Variants in NAALADL2 observed in about 807,000 individuals in gnomAD.
NAALADL2 encodes the protein inactive N-acetylated-alpha-linked acidic dipeptidase-like protein 2.
In NAALADL2, 76 loss-of-function variants were observed where a neutral mutation model predicts 87.2. The observed-to-expected ratio is 0.87, with a 90% CI of 0.72 to 1.05. The LOEUF (loss-of-function observed/expected upper bound fraction) is 1.05, where lower values mean the gene tolerates loss of function less well. Ranked by LOEUF, NAALADL2 falls within the 50% of genes least tolerant of loss-of-function variation. The probability of loss-of-function intolerance (pLI) is 0.00; values close to 1 mark genes in which losing one functional copy is unlikely to be tolerated. For synonymous variants in NAALADL2, 354 were observed against 331.0 expected (o/e 1.07, Z -0.75); for missense variants, 1,089 against 945.8 (o/e 1.15, Z -1.99).
chr3:174,764,946 T>C (rs1315313302), intron 3 of NAALADL2, among the ~76,000 whole-genome samples: 28 of 152,164 alleles, frequency 1.8e-4, no homozygotes, highest in Admixed American at 1.8e-3. Context: ...GAGACAAACA[T>C]TGTTACAGAG....
At chr3:175,302,251 A>G (rs1226370848) in intron 4 of NAALADL2, among the ~76,000 whole-genome samples, 9 of 152,196 alleles carry the variant, frequency 5.9e-5, no homozygotes, top group African/African-American at 1.7e-4. Context: ...GAGGAAGACA[A>G]TTAATGAATT....
At chr3:175,123,675 T>A (rs9827073) in intron 2 of NAALADL2, among the ~76,000 whole-genome samples, 4 of 151,602 alleles carry the variant, frequency 2.6e-5, no homozygotes, top group South Asian at 2.1e-4. Flanking sequence ...ACATCCCCTC[T>A]TCTGTATCTC....
chr3:174,757,464 T>G (rs1712256744), intron 3 of NAALADL2, among the ~76,000 whole-genome samples: 1 of 151,940 alleles, frequency 6.6e-6, no homozygotes, highest in African/African-American at 2.4e-5. Context: ...TTTTCCTCAG[T>G]GTTGGCCTGA....
At chr3:175,732,295 TC>T (rs1204767777) in intron 11 of NAALADL2, among the ~76,000 whole-genome samples, 1 of 152,130 alleles carries the variant, frequency 6.6e-6, no homozygotes, top group Non-Finnish European at 1.5e-5. Flanking sequence ...ACGCAATAAC[TC>T]AATGGACTAT....
At chr3:174,874,274 C>G (rs1160450258) in intron 1 of NAALADL2, among the ~76,000 whole-genome samples, 1 of 152,070 alleles carries the variant, frequency 6.6e-6, no homozygotes. Context: ...GTGGAAAGCT[C>G]CAAATTCTCA....
At chr3:174,591,111 C>T (rs73172565) in intron 2 of NAALADL2, among the ~76,000 whole-genome samples, 12 of 152,298 alleles carry the variant, frequency 7.9e-5, no homozygotes, top group Non-Finnish European at 1.3e-4. Context: ...GGGAAGGAGA[C>T]TGATAGACTA....
At chr3:174,787,575 T>TCATATATATATATATATATATATACATA (rs1476464065) in intron 3 of NAALADL2, among the ~76,000 whole-genome samples, 3 of 13,062 alleles carry the variant, frequency 2.3e-4, no homozygotes, top group Non-Finnish European at 4.5e-4. Context: ...CAATATATCA[T>TCATATATATATATATATATATATACATA]CATATATATA....
chr3:175,031,275 C>T (rs1456664959), intron 1 of NAALADL2, among the ~76,000 whole-genome samples: 1 of 151,956 alleles, frequency 6.6e-6, no homozygotes, highest in East Asian at 1.9e-4. Flanking sequence ...ACCCTTGCCT[C>T]CCTCCTTCCA....
intron 9 of NAALADL2, among the ~76,000 whole-genome samples, chr3:175,539,713 G>A (rs997104584): frequency 1.3e-5 from 2 of 152,202 alleles, no homozygotes; most frequent in Admixed American, 6.5e-5. Context: ...GTAAATTGGG[G>A]CAGATTGTTC....
At position 175,703,404 on chromosome 3, in the gene NAALADL2, T is replaced by C. The variant is rs1301972352; in HGVS notation, c.1897-33902T>C. Among the ~76,000 whole-genome samples the C allele has an allele frequency of 2.0e-5, 3 of 152,174 alleles. No individual in the cohort carries two copies. In the East Asian group the frequency reaches 5.8e-4, roughly 29 times the overall value. ...GAGACTGGACAGTCCCCAATACATG[T>C]ACTATAATTAATGTTTTCGTTAAGT... is the stretch of plus-strand genomic sequence containing the variant. On this transcript the variant is annotated intron_variant, in intron 11 of 13. Coordinates refer to ENST00000454872, the MANE Select transcript of NAALADL2 (RefSeq NM_207015.3).
intron 9 of NAALADL2, among the ~76,000 whole-genome samples, chr3:175,519,601 T>C (rs528174453): frequency 3.9e-5 from 6 of 152,208 alleles, no homozygotes; most frequent in Non-Finnish European, 8.8e-5. Context: ...TATGGAGGTG[T>C]CCATTAAGAG....
intron 12 of NAALADL2, among the ~76,000 whole-genome samples, chr3:175,741,999 A>G (rs562422438): frequency 3.3e-4 from 51 of 152,352 alleles, no homozygotes; most frequent in African/African-American, 1.2e-3. Context: ...ATAAGTAGAT[A>G]AGAGACAAAA....
At chr3:175,319,747 G>C (rs1031015657) in intron 4 of NAALADL2, among the ~76,000 whole-genome samples, 1 of 152,180 alleles carries the variant, frequency 6.6e-6, no homozygotes, top group Non-Finnish European at 1.5e-5. Flanking sequence ...TTGAACCTGG[G>C]AGGTGGAGGT....
rs534637981 is a variant in NAALADL2 at position 174,621,546 on chromosome 3, A to T, written c.-115+70909A>T. Among the ~76,000 whole-genome samples the T allele has an allele frequency of 3.3e-5, 5 of 152,254 alleles. No homozygotes were observed. The South Asian group carries it at 1.0e-3, about 32-fold the overall frequency. ...ATAAATGATGACCCTTGAGGTCTAT[A>T]TATATAGACCTCATGTAATGAGGAA... On this transcript the variant is annotated intron_variant, in intron 2 of 3. Coordinates refer to the NAALADL2 transcript ENST00000434257.
At chr3:174,966,902 TC>T (rs1438566516) in intron 1 of NAALADL2, among the ~76,000 whole-genome samples, 24 of 151,750 alleles carry the variant, frequency 1.6e-4, no homozygotes, top group Non-Finnish European at 3.2e-4. Context: ...AGTAAGAGAT[TC>T]CCCCAGAAAG....
chr3:175,190,854 T>C (rs1470569819), intron 2 of NAALADL2, among the ~76,000 whole-genome samples: 1 of 151,518 alleles, frequency 6.6e-6, no homozygotes, highest in Admixed American at 6.6e-5. Flanking sequence ...GGCGGGCGCC[T>C]GTAGTCCCAG....
At chr3:174,950,413 TG>T (rs1740163858) in intron 1 of NAALADL2, among the ~76,000 whole-genome samples, 1 of 152,164 alleles carries the variant, frequency 6.6e-6, no homozygotes, top group Admixed American at 6.6e-5. Flanking sequence ...TGATTTTCAT[TG>T]TTATACTTTG....
At chr3:175,642,993 A>G (rs1250796701) in intron 11 of NAALADL2, among the ~76,000 whole-genome samples, 2 of 152,230 alleles carry the variant, frequency 1.3e-5, no homozygotes, top group African/African-American at 4.8e-5. Context: ...GATAATGCAC[A>G]TCTCTGAAAG....
At chr3:175,542,656 G>A (rs1032262115) in intron 9 of NAALADL2, among the ~76,000 whole-genome samples, 8 of 152,190 alleles carry the variant, frequency 5.3e-5, no homozygotes, top group African/African-American at 1.4e-4. Flanking sequence ...CACTGCACCC[G>A]GCCTTGTATT....
Sources: gnomAD v4.1 joint callset for allele counts (sites outside exome capture counted in the v4.1 genomes callset) on GRCh38, gnomAD v4.1.1 for gene constraint, MANE v1.5 for transcripts, NCBI Gene and HGNC (gene_info 2026-07-23, HGNC 2026-07-21) for gene names.